SPHKAP: variants seen among roughly 807,000 people sequenced by gnomAD.
The protein encoded by SPHKAP is A-kinase anchor protein SPHKAP.
In SPHKAP, 67 loss-of-function variants were observed where a neutral mutation model predicts 137.5. The observed-to-expected ratio is 0.49, with a 90% CI of 0.40 to 0.60. The LOEUF (loss-of-function observed/expected upper bound fraction) is 0.60. Ranked by LOEUF, SPHKAP falls within the 20% of genes least tolerant of loss-of-function variation. The pLI is 0.00. For synonymous variants in SPHKAP, 813 were observed against 785.3 expected (o/e 1.04, Z -0.59); for missense variants, 2,097 against 2,069.3 (o/e 1.01, Z -0.26).
Position 228,131,965 on chromosome 2 carries a change from G to GT in SPHKAP, c.138+14dup, listed in dbSNP as rs768292335. On this transcript the variant is annotated intron_variant, in intron 2 of 11. Coordinates refer to ENST00000392056, the MANE Select transcript of SPHKAP (RefSeq NM_001142644.2). Reference sequence around the variant, plus strand: ...GTTCAACTGACAAGAAGAAAGTGGCGTAAGGCAAGGTTACCTTCTTACAGG... The same window carrying GT: ...GTTCAACTGACAAGAAGAAAGTGGCGTTAAGGCAAGGTTACCTTCTTACAGG... 1.2e-6 allele frequency: 2 copies of GT among 1,611,568 alleles called. No individual in the cohort carries two copies. Among genetic ancestry groups the GT allele is most frequent in the Admixed American group, 1.7e-5 (1 of 59,940 alleles).
At chr2:228,058,494 G>C (rs1696524812) in intron 3 of SPHKAP, among the ~76,000 whole-genome samples, 1 of 152,126 alleles carries the variant, frequency 6.6e-6, no homozygotes, top group African/African-American at 2.4e-5. Context: ...GACCAACAGT[G>C]TTTCCTGAAC....
Position 228,017,310 on chromosome 2 carries a change from A to C in SPHKAP, c.3544T>G (p.Ser1182Ala), listed in dbSNP as rs1255095346. 1.2e-6 allele frequency: 2 copies of C among 1,613,934 alleles called. No homozygotes were observed. Among genetic ancestry groups the C allele is most frequent in the Non-Finnish European group, 8.5e-7 (1 of 1,179,974 alleles). ...DHLSVRPSCP[S>A]KQSSTESITE... ...ATGCTCTCTGTGCTGGACTGCTTAGAGGGACAGCTAGGCCTCACACTGAGG... is the reference window on the plus strand; with the variant it reads ...ATGCTCTCTGTGCTGGACTGCTTAGCGGGACAGCTAGGCCTCACACTGAGG... The change falls in exon 7 of 12, where the codon TCT becomes GCT. Residue 1182 changes from serine (S) to alanine (A), a missense_variant. By Grantham distance (99) the Ser-to-Ala change is moderately conservative (BLOSUM62 1). Coordinates refer to ENST00000392056, the MANE Select transcript of SPHKAP (RefSeq NM_001142644.2).
chr2:228,171,561 T>A lies in SPHKAP; in HGVS notation c.32+10006A>T, dbSNP rs139159211. Among the ~76,000 whole-genome samples, 547 of 152,276 alleles carry A rather than the reference T, an allele frequency of 3.6e-3. 3 individuals carry two copies. The highest frequency in any genetic ancestry group is 0.012 in the South Asian group (58 of 4,828). Reference sequence around the variant, plus strand: ...ATGTCAAATTCTCCTAAGAATTAAATAAGAGAAGGACTGATCAGTTTGGTT... The same window carrying A: ...ATGTCAAATTCTCCTAAGAATTAAAAAAGAGAAGGACTGATCAGTTTGGTT... On this transcript the variant is annotated intron_variant, in intron 1 of 11. Coordinates refer to ENST00000392056, the MANE Select transcript of SPHKAP (RefSeq NM_001142644.2).
At chr2:228,033,517 CAGCAAGCAGACCT>C (rs1229126704) in intron 3 of SPHKAP, among the ~76,000 whole-genome samples, 1 of 152,164 alleles carries the variant, frequency 6.6e-6, no homozygotes, top group Non-Finnish European at 1.5e-5. Context: ...CTCATCTCTG[CAGCAAGCAGACCT>C]AATAGACATC....
intron 6 of SPHKAP, 115 bp downstream of exon 6, chr2:228,021,596 G>A (rs1408826583): frequency 8.0e-7 from 1 of 1,255,740 alleles, no homozygotes; most frequent in Non-Finnish European, 1.1e-6. Flanking sequence ...AATTCAGCAA[G>A]TAAAGACTGT....
chr2:228,174,269 G>C (rs759045377), intron 1 of SPHKAP, among the ~76,000 whole-genome samples: 1 of 151,670 alleles, frequency 6.6e-6, no homozygotes, highest in Non-Finnish European at 1.5e-5. Context: ...GTGATATCTT[G>C]AGATTACATA....
intron 1 of SPHKAP, among the ~76,000 whole-genome samples, chr2:228,173,510 G>C (rs1700648757): frequency 6.6e-6 from 1 of 152,188 alleles, no homozygotes; most frequent in South Asian, 2.1e-4. Context: ...GGCAGAAAAG[G>C]AGGTCAGAAG....
At chr2:228,144,402 A>G (rs748867015) in intron 1 of SPHKAP, among the ~76,000 whole-genome samples, 2 of 152,208 alleles carry the variant, frequency 1.3e-5, no homozygotes. Context: ...TGCCTGGCAT[A>G]TTGTAAATGC....
At chr2:228,093,274 AC>A (rs1697864620) in intron 3 of SPHKAP, among the ~76,000 whole-genome samples, 1 of 152,204 alleles carries the variant, frequency 6.6e-6, no homozygotes, top group Admixed American at 6.5e-5. Context: ...CAGCAATTCT[AC>A]TTCTTGGTTT....
chr2:228,025,804 T>C (rs1354278030), intron 4 of SPHKAP: 2 of 905,900 alleles, frequency 2.2e-6, no homozygotes, highest in African/African-American at 1.8e-5. Flanking sequence ...TAGTAATTAC[T>C]ATCATACCAC....
In SPHKAP at chr2:228,017,850, CACTG is replaced by C; in HGVS notation, c.3000_3003del (p.Ser1001ArgfsTer16). On this transcript the variant is annotated frameshift_variant, in exon 7 of 12. Coordinates refer to ENST00000392056, the MANE Select transcript of SPHKAP (RefSeq NM_001142644.2). LOFTEE classifies it high-confidence loss of function. ...TGCTCGTCCGTCTTCCTCTTGATCTCACTGAGCCGGGGAGGCTTGTGTTTCCTCA... is the reference window on the plus strand; with the variant it reads ...TGCTCGTCCGTCTTCCTCTTGATCTCAGCCGGGGAGGCTTGTGTTTCCTCA... The C allele has an allele frequency of 6.2e-7, 1 of 1,614,056 alleles. No homozygotes were observed. The highest frequency in any genetic ancestry group is 8.5e-7 in the Non-Finnish European group (1 of 1,179,994).
chr2:228,113,040 T>A (rs1392142528), intron 2 of SPHKAP, among the ~76,000 whole-genome samples: 1 of 152,142 alleles, frequency 6.6e-6, no homozygotes, highest in Non-Finnish European at 1.5e-5. Context: ...AACCTAAATC[T>A]TGCCGTGCTT....
At chr2:228,110,199 A>G (rs1489966676) in intron 2 of SPHKAP, among the ~76,000 whole-genome samples, 1 of 152,032 alleles carries the variant, frequency 6.6e-6, no homozygotes, top group Non-Finnish European at 1.5e-5. Context: ...TTTTCTGTAA[A>G]GACAGAAATA....
In SPHKAP at chr2:228,016,650, T is replaced by C. The variant is rs1574750008; in HGVS notation, c.4204A>G (p.Lys1402Glu). 1.2e-6 allele frequency: 2 copies of C among 1,613,754 alleles called. No homozygotes were observed. Among genetic ancestry groups the C allele is most frequent in the Non-Finnish European group, 1.7e-6 (2 of 1,179,946 alleles). ...SLTNHSPLDS[K>E]KETSSCQDPV... Reference sequence around the variant, plus strand: ...TCCTGGCACGAGGAAGTTTCTTTTTTAGAATCTAAAGGGCTGTGGTTTGTA... The same window carrying C: ...TCCTGGCACGAGGAAGTTTCTTTTTCAGAATCTAAAGGGCTGTGGTTTGTA... The change falls in exon 7 of 12, where the codon AAA becomes GAA. Residue 1402 changes from lysine to glutamate, a missense_variant. Transcript: ENST00000392056.
At position 228,128,986 on chromosome 2, in the gene SPHKAP, A is replaced by C. The variant is rs116912317; in HGVS notation, c.138+2994T>G. Among the ~76,000 whole-genome samples the C allele has an allele frequency of 4.7e-4, 71 of 152,242 alleles. No individual in the cohort carries two copies. In the East Asian group the frequency reaches 0.013, roughly 29 times the overall value. On this transcript the variant is annotated intron_variant, in intron 2 of 11. Transcript: ENST00000392056. ...GGGCCCTAGGATTTTTGGAATAGTA[A>C]ATGAGCATTGGCCGTCACTTAAAGT...
At chr2:228,098,780 G>T (rs1456601705) in intron 3 of SPHKAP, among the ~76,000 whole-genome samples, 1 of 146,118 alleles carries the variant, frequency 6.8e-6, no homozygotes, top group Non-Finnish European at 1.5e-5. Context: ...AAAAAAAAGT[G>T]TCTGTTCATG....
chr2:228,145,765 C>T (rs987624642), intron 1 of SPHKAP, among the ~76,000 whole-genome samples: 11 of 152,164 alleles, frequency 7.2e-5, no homozygotes, highest in African/African-American at 2.7e-4. Flanking sequence ...GCCATGTTGG[C>T]CTGCACAGTA....
chr2:228,066,809 G>T (rs540303593), intron 3 of SPHKAP, among the ~76,000 whole-genome samples: 24 of 152,248 alleles, frequency 1.6e-4, no homozygotes, highest in African/African-American at 5.5e-4. Context: ...CAAACTTATG[G>T]GATCACATAA....
intron 3 of SPHKAP, among the ~76,000 whole-genome samples, chr2:228,027,783 T>C (rs1273698902): frequency 6.6e-6 from 1 of 151,646 alleles, no homozygotes; most frequent in Non-Finnish European, 1.5e-5. Flanking sequence ...CTGGCCAACA[T>C]GGTGAAACAC....
Sources: allele counts gnomAD v4.1 joint callset (sites outside exome capture counted in the v4.1 genomes callset), GRCh38; gene constraint gnomAD v4.1.1; transcripts MANE v1.5; gene names NCBI Gene and HGNC (gene_info 2026-07-23, HGNC 2026-07-21).